AHCYL2: variants seen among roughly 807,000 people sequenced by gnomAD.
AHCYL2 encodes the protein S-adenosylhomocysteine hydrolase-like protein 2.
Under a neutral mutation model 81.4 loss-of-function variants are expected in AHCYL2, and 28 were observed. That is an observed-to-expected ratio of 0.34 (90% CI 0.25 to 0.47). AHCYL2 has a LOEUF of 0.47. Ranked by LOEUF, AHCYL2 falls within the 20% of genes least tolerant of loss-of-function variation. AHCYL2 has a pLI of 1.00. For missense variants in AHCYL2, 551 were observed against 785.1 expected, an observed-to-expected ratio of 0.70 and a Z score of 3.56; for synonymous variants, 272 against 290.2, an observed-to-expected ratio of 0.94 and a Z score of 0.64.
At chr7:129,380,042 G>A (rs923648282) in intron 2 of AHCYL2, among the ~76,000 whole-genome samples, 18 of 151,868 alleles carry the variant, frequency 1.2e-4, no homozygotes, top group East Asian at 7.7e-4. Flanking sequence ...TGATCTTTCC[G>A]GAACAGTATG....
chr7:129,326,508 A>G (rs548863136), intron 1 of AHCYL2, among the ~76,000 whole-genome samples: 94 of 152,230 alleles, frequency 6.2e-4, no homozygotes, highest in African/African-American at 2.1e-3. Context: ...CCTGGGTGAA[A>G]GAGTGAGACG....
At chr7:129,235,892 T>G (rs1459782342) in intron 1 of AHCYL2, among the ~76,000 whole-genome samples, 1 of 152,198 alleles carries the variant, frequency 6.6e-6, no homozygotes, top group African/African-American at 2.4e-5. Flanking sequence ...ACATTTACCT[T>G]AACTTGTTTT....
At chr7:129,308,235 C>T (rs1024401730) in intron 1 of AHCYL2, among the ~76,000 whole-genome samples, 1 of 152,110 alleles carries the variant, frequency 6.6e-6, no homozygotes, top group African/African-American at 2.4e-5. Flanking sequence ...CACTTTAGCC[C>T]ATGGTAGCAG....
At chr7:129,411,154 GTAA>G (rs1563243822) in intron 11 of AHCYL2, among the ~76,000 whole-genome samples, 1 of 151,082 alleles carries the variant, frequency 6.6e-6, no homozygotes, top group African/African-American at 2.4e-5. Context: ...CTGTTTTTTA[GTAA>G]TTCACAGAGT....
At chr7:129,386,840 A>G (rs940452954) in intron 2 of AHCYL2, among the ~76,000 whole-genome samples, 1 of 152,196 alleles carries the variant, frequency 6.6e-6, no homozygotes. Context: ...GTAGGAGATG[A>G]TGGAGGTATA....
chr7:129,416,265 G>C (rs1340119295), intron 12 of AHCYL2, among the ~76,000 whole-genome samples: 2 of 152,072 alleles, frequency 1.3e-5, no homozygotes, highest in Admixed American at 6.5e-5. Context: ...AATATTTTTT[G>C]TATGATTGCT....
intron 1 of AHCYL2, among the ~76,000 whole-genome samples, chr7:129,275,605 T>C (rs1796174127): frequency 6.6e-6 from 1 of 152,106 alleles, no homozygotes; most frequent in Non-Finnish European, 1.5e-5. Flanking sequence ...CAAAAATCAT[T>C]ATTTGCGTTA....
At chr7:129,343,147 C>T (rs111848736) in intron 1 of AHCYL2, among the ~76,000 whole-genome samples, 160 of 152,118 alleles carry the variant, frequency 1.1e-3, no homozygotes, top group Middle Eastern at 3.4e-3. Context: ...AATTTTTTGT[C>T]TTAAAAAGCA....
intron 4 of AHCYL2, among the ~76,000 whole-genome samples, chr7:129,394,398 C>A (rs1033417620): frequency 8.2e-6 from 1 of 122,460 alleles, no homozygotes. Flanking sequence ...GTTGAAGGAA[C>A]TTTTAATCTG....
chr7:129,347,864 C>T (rs1793417277), intron 1 of AHCYL2, among the ~76,000 whole-genome samples: 1 of 152,176 alleles, frequency 6.6e-6, no homozygotes. Context: ...GTTTACTTTA[C>T]ACCCAAGTGG....
chr7:129,225,694 T>TC (rs1794188431), intron 1 of AHCYL2, among the ~76,000 whole-genome samples: 1 of 152,042 alleles, frequency 6.6e-6, no homozygotes, highest in South Asian at 2.1e-4. Context: ...CTACTTGGAA[T>TC]AGGCAGCGGG....
In AHCYL2 at chr7:129,403,342, G is replaced by A. The variant is rs759136648; in HGVS notation, c.919-37G>A. On this transcript the variant is annotated intron_variant, in intron 6 of 16. Transcript: ENST00000325006. ...GAAGCACTGAAGCCTTGAGACTTCA[G>A]CAAAGTGAATGATGTTATTGATGCT... is the stretch of plus-strand genomic sequence containing the variant. The A allele has an allele frequency of 4.1e-6, 6 of 1,464,058 alleles. No homozygotes were observed. The African/African-American group carries it at 7.1e-5, about 17-fold the overall frequency. 90.7% of individuals were successfully genotyped at this position (1,464,058 alleles called of 1,614,324 possible). A position where few individuals can be genotyped will look rare whatever the true frequency, so the allele number is the denominator to read the frequency against.
chr7:129,303,149 C>T (rs555514185), intron 1 of AHCYL2, among the ~76,000 whole-genome samples: 31 of 152,094 alleles, frequency 2.0e-4, no homozygotes, highest in South Asian at 4.1e-4. Context: ...TATAGGCATC[C>T]GCCACCACAC....
chr7:129,273,102 A>G (rs979692429), intron 1 of AHCYL2, among the ~76,000 whole-genome samples: 4 of 151,942 alleles, frequency 2.6e-5, no homozygotes, highest in African/African-American at 4.8e-5. Flanking sequence ...GGGTTTCACC[A>G]TATCAGCCAG....
chr7:129,357,630 A>G (rs1241942962), intron 1 of AHCYL2, among the ~76,000 whole-genome samples: 6 of 152,186 alleles, frequency 3.9e-5, no homozygotes, highest in Non-Finnish European at 8.8e-5. Flanking sequence ...ATAGCCAATA[A>G]GCATATAAAA....
At chr7:129,343,716 A>G (rs1237376998) in intron 1 of AHCYL2, among the ~76,000 whole-genome samples, 1 of 152,224 alleles carries the variant, frequency 6.6e-6, no homozygotes, top group African/African-American at 2.4e-5. Context: ...ATAGAAAAAA[A>G]CAAAGGAGAA....
chr7:129,405,909 A>T lies in AHCYL2; in HGVS notation c.1206+10A>T, dbSNP rs747382326. The T allele has an allele frequency of 2.5e-6, 4 of 1,611,782 alleles. No individual in the cohort carries two copies. In the South Asian group the frequency reaches 4.4e-5, roughly 18 times the overall value. ...CTGTGGCTATGGAGAGGTGAAGTTT[A>T]ACCTTTTGTTTATTAGGTGTTTTAA... On this transcript the variant is annotated intron_variant, in intron 9 of 16. Coordinates refer to ENST00000325006, the MANE Select transcript of AHCYL2 (RefSeq NM_015328.4).
At chr7:129,416,206 A>T (rs972946571) in intron 12 of AHCYL2, among the ~76,000 whole-genome samples, 10 of 152,150 alleles carry the variant, frequency 6.6e-5, no homozygotes, top group African/African-American at 2.4e-4. Flanking sequence ...GCCCAGACAT[A>T]AGTAACCTCC....
chr7:129,378,433 T>C (rs1584852448), intron 1 of AHCYL2, among the ~76,000 whole-genome samples: 1 of 152,148 alleles, frequency 6.6e-6, no homozygotes, highest in Non-Finnish European at 1.5e-5. Context: ...AGGGGTTGGG[T>C]AGGGAGTAGA....
Sources: allele counts gnomAD v4.1 joint callset (sites outside exome capture counted in the v4.1 genomes callset), GRCh38; gene constraint gnomAD v4.1.1; transcripts MANE v1.5; gene names NCBI Gene and HGNC (gene_info 2026-07-23, HGNC 2026-07-21).